Variants in NOD1 observed in about 807,000 individuals in gnomAD.
NOD1 encodes nucleotide binding oligomerization domain containing 1.
NOD1 carries 70 observed loss-of-function variants against 81.2 expected under a neutral mutation model. The observed-to-expected ratio is 0.86, with a 90% CI of 0.71 to 1.05. NOD1 has a LOEUF of 1.05. Among genes scored for constraint, NOD1 ranks in the 50% least tolerant of loss-of-function variants. The pLI is 0.00. For missense variants in NOD1, 1,233 were observed against 1,228.0 expected (o/e 1.00, Z -0.06); for synonymous variants, 508 against 526.9 (o/e 0.96, Z 0.49).
Position 30,451,558 on chromosome 7 carries a change from A to G in NOD1, c.1859T>C (p.Leu620Pro). ...AAALRRKRKA[L>P]WAHLFSSLRG... Reference sequence around the variant, plus strand: ...CAGGCTGGAAAACAGGTGTGCCCACAGGGCCTTGCGCTTTCTCCTCAGGGC... The same window carrying G: ...CAGGCTGGAAAACAGGTGTGCCCACGGGGCCTTGCGCTTTCTCCTCAGGGC... The change falls in exon 6 of 14, where the codon CTG (leucine) becomes CCG (proline). Residue 620 changes from leucine to proline, a missense_variant. Physicochemically the swap from Leu to Pro is moderately conservative, Grantham distance 98 (BLOSUM62 -3). Transcript: ENST00000222823. This position sits in a 1 kb window ranked among gnomAD's most constrained non-coding sequence, Gnocchi z 4.2. The G allele has an allele frequency of 1.2e-6, 2 of 1,613,358 alleles. No homozygotes were observed. The highest frequency in any genetic ancestry group is 2.2e-5 in the East Asian group (1 of 44,866).
intron 9 of NOD1, among the ~76,000 whole-genome samples, chr7:30,440,909 C>T (rs377235458): frequency 1.2e-4 from 2 of 17,312 alleles, no homozygotes; most frequent in African/African-American, 3.2e-4. Context: ...GCGGATCTCT[C>T]GGCAGAAACC....
intron 8 of NOD1, chr7:30,446,451 A>C: frequency 3.6e-6 from 2 of 552,312 alleles, no homozygotes; most frequent in Non-Finnish European, 6.5e-6. Flanking sequence ...GTCTCTGCAG[A>C]AGCTCAGGGA....
intron 1 of NOD1, among the ~76,000 whole-genome samples, chr7:30,476,784 G>A (rs1200487032): frequency 1.3e-5 from 2 of 152,208 alleles, no homozygotes. Flanking sequence ...GAGGGGATTT[G>A]CAGCCTAAGA....
intron 3 of NOD1, among the ~76,000 whole-genome samples, chr7:30,458,579 C>T (rs1444638402): frequency 6.6e-6 from 1 of 151,976 alleles, no homozygotes; most frequent in Non-Finnish European, 1.5e-5. Flanking sequence ...AGACCCCACA[C>T]AATAGCTTTC....
At chr7:30,470,049 T>G (rs997796603) in intron 1 of NOD1, among the ~76,000 whole-genome samples, 4 of 152,222 alleles carry the variant, frequency 2.6e-5, no homozygotes, top group African/African-American at 9.6e-5. Context: ...GTGTCCTAAG[T>G]TGATTATTTT....
Position 30,451,318 on chromosome 7 carries a change from T to C in NOD1, c.2099A>G (p.His700Arg). The C allele has an allele frequency of 1.9e-6, 3 of 1,614,194 alleles. No homozygotes were observed. The highest frequency in any genetic ancestry group is 2.5e-6 in the Non-Finnish European group (3 of 1,180,040). The change falls in exon 6 of 14, where the codon CAT (histidine) becomes CGT (arginine). Residue 700 changes from histidine (H) to arginine (R), a missense_variant. His to Arg is a conservative substitution (Grantham distance 29). Coordinates refer to ENST00000222823, the MANE Select transcript of NOD1 (RefSeq NM_006092.4). This position sits in a 1 kb window ranked among gnomAD's most constrained non-coding sequence, Gnocchi z 4.2. The stretch of plus-strand genomic sequence containing the variant: ...TAGGGCCAGCCGCTTGGGGAAGTGA[T>C]GCAGGACGAAGGAGAGGGCGCTGCA... ...ADCSALSFVLHHFPKRLALDL... is the reference protein window; with the variant it reads ...ADCSALSFVLRHFPKRLALDL...
At chr7:30,477,284 T>C (rs1788880278) in intron 1 of NOD1, among the ~76,000 whole-genome samples, 1 of 152,254 alleles carries the variant, frequency 6.6e-6, no homozygotes, top group Admixed American at 6.5e-5. Context: ...GCATATTCGG[T>C]AGAAGTCTGT....
In NOD1 at chr7:30,467,904, G is replaced by A. The variant is rs914779023; in HGVS notation, c.-351-7863C>T. ...TTTAGTAGAGACGGGGTTTCACCACGTTGGCCAGGCTGGTCTTGAACTCCT... is the reference window on the plus strand; with the variant it reads ...TTTAGTAGAGACGGGGTTTCACCACATTGGCCAGGCTGGTCTTGAACTCCT... On this transcript the variant is annotated intron_variant, in intron 1 of 13. Coordinates refer to ENST00000222823, the MANE Select transcript of NOD1 (RefSeq NM_006092.4). This position sits in a 1 kb window ranked among gnomAD's most constrained non-coding sequence, Gnocchi z 4.5. 5.1e-4 allele frequency among the ~76,000 whole-genome samples: 77 copies of A among 152,116 alleles called. No individual in the cohort carries two copies. The highest frequency in any genetic ancestry group is 1.8e-3 in the African/African-American group (76 of 41,510).
intron 10 of NOD1, 90 bp from the exon 11 acceptor site, chr7:30,436,171 C>T (rs1303303146): frequency 1.9e-6 from 2 of 1,053,124 alleles, no homozygotes; most frequent in African/African-American, 1.6e-5. Context: ...AAGCCTCTGC[C>T]TGGCTGTGGC....
At chr7:30,427,885 C>T (rs1783594272) in intron 13 of NOD1, among the ~76,000 whole-genome samples, 1 of 152,198 alleles carries the variant, frequency 6.6e-6, no homozygotes, top group African/African-American at 2.4e-5. Flanking sequence ...TCCTTCCTCT[C>T]CCCCTCTGCC....
intron 13 of NOD1, chr7:30,428,735 C>A (rs1783682444): frequency 6.6e-6 from 1 of 152,010 alleles, no homozygotes; most frequent in African/African-American, 2.4e-5. Context: ...TAATAAGGCC[C>A]CTCTCCCAGC....
In NOD1 at chr7:30,425,808, A is replaced by C. The variant is rs5743370; in HGVS notation, c.2790-98T>G. On this transcript the variant is annotated intron_variant, in intron 13 of 13. Transcript: ENST00000222823. The stretch of plus-strand genomic sequence containing the variant: ...TGTTCATAGCACACACTCGTGTATC[A>C]CACAATACACATGTATCCCTGAAAT... 6,232 of 815,740 alleles carry C rather than the reference A, an allele frequency of 7.6e-3. 249 individuals are homozygous for C. In the African/African-American group the frequency reaches 0.091, roughly 12 times the overall value. The allele number at this position is 815,740 out of a possible 1,614,324, so 50.5% of individuals were successfully genotyped here.
At chr7:30,447,125 A>G in intron 7 of NOD1, 75 bp from the exon 8 acceptor site, 1 of 1,609,364 alleles carries the variant, frequency 6.2e-7, no homozygotes, top group Non-Finnish European at 8.5e-7. Context: ...TTTGAAGCAT[A>G]TGGTGTCTAC....
chr7:30,445,127 G>A (rs1266790852), intron 9 of NOD1, among the ~76,000 whole-genome samples: 3 of 68,138 alleles, frequency 4.4e-5, no homozygotes, highest in African/African-American at 7.5e-5. Flanking sequence ...CGGGGGAGGG[G>A]GGAGGGATAG....
chr7:30,452,032 G>A lies in NOD1; in HGVS notation c.1385C>T (p.Ser462Leu), dbSNP rs766620856. ...GCCCCGGTGGGCCACCTGCCCCAGC[G>A]AGCACAGAGTGTCCCGGCCGGCGTG... ...TLHAGRDTLC[S>L]LGQVAHRGME... The change falls in exon 6 of 14, where the codon TCG becomes TTG. Residue 462 changes from serine to leucine, a missense_variant. Ser to Leu is a moderately radical substitution (Grantham distance 145). Transcript: ENST00000222823. The A allele has an allele frequency of 5.0e-6, 8 of 1,613,438 alleles. No individual in the cohort carries two copies. Among genetic ancestry groups the A allele is most frequent in the Non-Finnish European group, 5.9e-6 (7 of 1,179,958 alleles).
chr7:30,433,254 G>A lies in NOD1; in HGVS notation c.2622-75C>T, dbSNP rs892714131. On this transcript the variant is annotated intron_variant, in intron 11 of 13. Transcript: ENST00000222823. ...ATTGTTTTAGAGTTCACAGGAGCGG[G>A]AGCTCAGCCCAAGGCTCTCCAGCTA... 1.7e-5 allele frequency: 20 copies of A among 1,191,182 alleles called. No homozygotes were observed. In the African/African-American group the frequency reaches 2.0e-4, roughly 12 times the overall value. 73.8% of individuals were successfully genotyped at this position (1,191,182 alleles called of 1,614,324 possible).
chr7:30,429,589 T>G, intron 12 of NOD1, 132 bp from the exon 13 acceptor site: 1 of 722,796 alleles, frequency 1.4e-6, no homozygotes, highest in East Asian at 2.5e-5. Flanking sequence ...CATGTGACTT[T>G]GTATCTGGCT....
rs893623542 is a variant in NOD1 at position 30,478,129 on chromosome 7, G to A, written c.-352+477C>T. ...TCTCCAGGACCAAGCAGGACACTGGGAGCTGCTGTCCCGTCTGCAGGCGGG... is the reference window on the plus strand; with the variant it reads ...TCTCCAGGACCAAGCAGGACACTGGAAGCTGCTGTCCCGTCTGCAGGCGGG... On this transcript the variant is annotated intron_variant, in intron 1 of 13. Transcript: ENST00000222823. The surrounding 1 kb of genome is among the most constrained non-coding windows in gnomAD (Gnocchi z 4.1). Among the ~76,000 whole-genome samples the A allele has an allele frequency of 6.6e-6, 1 of 152,144 alleles. No individual in the cohort carries two copies. The highest frequency in any genetic ancestry group is 1.5e-5 in the Non-Finnish European group (1 of 68,030).
intron 13 of NOD1, among the ~76,000 whole-genome samples, chr7:30,427,254 A>G (rs1308992121): frequency 6.6e-6 from 1 of 152,256 alleles, no homozygotes; most frequent in South Asian, 2.1e-4. Flanking sequence ...TGTAATTTAC[A>G]GTGTTCATTG....
Sources: gnomAD v4.1 joint callset for allele counts (sites outside exome capture counted in the v4.1 genomes callset) on GRCh38, gnomAD v4.1.1 for gene constraint, Gnocchi (gnomAD v3.1) non-coding constraint, MANE v1.5 for transcripts, NCBI Gene and HGNC (gene_info 2026-07-23, HGNC 2026-07-21) for gene names.